CUX2: variants seen among roughly 807,000 people sequenced by gnomAD.
The protein encoded by CUX2 is homeobox protein cut-like 2.
CUX2 carries 40 observed loss-of-function variants against 144.8 expected under a neutral mutation model. The ratio of observed to expected loss-of-function variants is 0.28; its 90% confidence interval spans 0.21 to 0.36. CUX2 has a LOEUF of 0.36. CUX2 is among the 10% of genes least tolerant of loss of function. The probability of loss-of-function intolerance (pLI) is 1.00; values close to 1 mark genes in which losing one functional copy is unlikely to be tolerated. For synonymous variants in CUX2, 827 were observed against 875.6 expected (o/e 0.94, Z 0.98); for missense variants, 1,615 against 1,994.0 (o/e 0.81, Z 3.62).
At chr12:111,311,984 C>G in intron 15 of CUX2, 116 bp from the exon 16 acceptor site, 1 of 738,356 alleles carries the variant, frequency 1.4e-6, no homozygotes, top group East Asian at 2.8e-5. Context: ...TGCCATCTCA[C>G]TGATGGTCTG....
In CUX2 at chr12:111,036,632, A is replaced by AG. The variant is rs535467037; in HGVS notation, c.63+2400dup. On this transcript the variant is annotated intron_variant, in intron 1 of 21. Transcript: ENST00000261726. Reference sequence around the variant, plus strand: ...CCCAGCCTACAGGGTGTATATGTGAAGGGGGGGGTTGTTCGTTAAAACAAT... The same window carrying AG: ...CCCAGCCTACAGGGTGTATATGTGAAGGGGGGGGGTTGTTCGTTAAAACAAT... Among the ~76,000 whole-genome samples the AG allele has an allele frequency of 1.6e-3, 229 of 140,792 alleles. 1 individual carries two copies. The highest frequency in any genetic ancestry group is 7.1e-3 in the South Asian group (29 of 4,068). The allele number at this position is 140,792 out of a possible 152,430, so 92.4% of individuals were successfully genotyped here.
chr12:111,109,017 G>C (rs1873779061), intron 1 of CUX2, among the ~76,000 whole-genome samples: 1 of 152,190 alleles, frequency 6.6e-6, no homozygotes, highest in African/African-American at 2.4e-5. Context: ...CTCCCTTTCA[G>C]GGCATGGAGA....
Position 111,304,338 on chromosome 12 carries a change from A to G in CUX2, c.858+24A>G. 1 of 1,586,844 alleles carries G rather than the reference A, an allele frequency of 6.3e-7. No individual in the cohort carries two copies. The highest frequency in any genetic ancestry group is 8.6e-7 in the Non-Finnish European group (1 of 1,157,406). ...GGGTAAGGATGGGGTTGGGGAAGTG[A>G]GCAGGGAGGGCAGAGGGAAAGATCG... On this transcript the variant is annotated intron_variant, in intron 10 of 21. Coordinates refer to ENST00000261726, the MANE Select transcript of CUX2 (RefSeq NM_015267.4). The surrounding 1 kb of genome is among the most constrained non-coding windows in gnomAD (Gnocchi z 4.7).
intron 1 of CUX2, among the ~76,000 whole-genome samples, chr12:111,085,976 A>G (rs1199417689): frequency 6.6e-6 from 1 of 152,242 alleles, no homozygotes; most frequent in Admixed American, 6.5e-5. Context: ...GTGTGAGATC[A>G]GGGATCAGGA....
In CUX2 at chr12:111,312,696, T is replaced by C. The variant is rs1886967987; in HGVS notation, c.2002+495T>C. ...GCCTAGGTGACAAAGCAAGACTCTGTCAGAAAAAAAAAAAGAAAAATATCC... is the reference window on the plus strand; with the variant it reads ...GCCTAGGTGACAAAGCAAGACTCTGCCAGAAAAAAAAAAAGAAAAATATCC... On this transcript the variant is annotated intron_variant, in intron 16 of 21. Transcript: ENST00000261726. The surrounding 1 kb of genome is among the most constrained non-coding windows in gnomAD (Gnocchi z 4.3). 6.6e-6 allele frequency among the ~76,000 whole-genome samples: 1 copy of C among 150,750 alleles called. No individual in the cohort carries two copies. The highest frequency in any genetic ancestry group is 1.5e-5 in the Non-Finnish European group (1 of 67,628).
intron 3 of CUX2, among the ~76,000 whole-genome samples, chr12:111,260,407 T>C (rs896674112): frequency 6.6e-6 from 1 of 151,738 alleles, no homozygotes; most frequent in Non-Finnish European, 1.5e-5. Flanking sequence ...GAGCTTGCAG[T>C]GAGCCAAGAT....
intron 1 of CUX2, among the ~76,000 whole-genome samples, chr12:111,212,826 G>A (rs902363869): frequency 2.0e-5 from 3 of 152,224 alleles, no homozygotes; most frequent in African/African-American, 7.2e-5. Context: ...GCTCTGGTGA[G>A]CTGCTATTGA....
At chr12:111,214,018 T>G (rs1382829983) in intron 1 of CUX2, among the ~76,000 whole-genome samples, 182 bp from the exon 2 acceptor site, 1 of 152,136 alleles carries the variant, frequency 6.6e-6, no homozygotes, top group African/African-American at 2.4e-5. Flanking sequence ...TTTTTTCAGT[T>G]GCATCCCAGT....
At chr12:111,211,717 CTACTAAAAATACAAAAACTTAGCCAGGCT>C (rs1881239010) in intron 1 of CUX2, among the ~76,000 whole-genome samples, 2 of 152,144 alleles carry the variant, frequency 1.3e-5, no homozygotes, top group Non-Finnish European at 2.9e-5. Context: ...AACCCTGTCT[CTACTAAAAATACAAAAACTTAGCCAGGCT>C]TGGTGGTGGG....
intron 1 of CUX2, among the ~76,000 whole-genome samples, chr12:111,159,646 C>T (rs1447661327): frequency 6.6e-6 from 1 of 152,212 alleles, no homozygotes; most frequent in Non-Finnish European, 1.5e-5. Flanking sequence ...CTTCCAGCCC[C>T]CTTCCGGCTA....
intron 1 of CUX2, among the ~76,000 whole-genome samples, chr12:111,095,350 T>C (rs564868491): frequency 1.4e-4 from 21 of 152,102 alleles, no homozygotes; most frequent in Non-Finnish European, 2.6e-4. Context: ...TCCCAGCTAT[T>C]CTGGAGGCTG....
intron 19 of CUX2, among the ~76,000 whole-genome samples, chr12:111,335,544 C>T (rs147646183): frequency 0.017 from 2,589 of 152,090 alleles, 91 homozygotes; most frequent in African/African-American, 0.058. Flanking sequence ...AACCCCATCT[C>T]TACTAAAAAT....
At chr12:111,185,310 A>G (rs571615659) in intron 1 of CUX2, among the ~76,000 whole-genome samples, 90 of 152,216 alleles carry the variant, frequency 5.9e-4, no homozygotes, top group Middle Eastern at 3.2e-3. Context: ...AATGAGTATC[A>G]TGGAAAGAGA....
chr12:111,151,968 C>A (rs2136137529), intron 1 of CUX2, among the ~76,000 whole-genome samples: 2 of 152,246 alleles, frequency 1.3e-5, no homozygotes, highest in African/African-American at 4.8e-5. Flanking sequence ...CTAGAAACCT[C>A]ACGTGCTCTG....
chr12:111,141,827 A>G (rs1039191621), intron 1 of CUX2, among the ~76,000 whole-genome samples: 3 of 152,346 alleles, frequency 2.0e-5, no homozygotes, highest in Admixed American at 6.5e-5. Flanking sequence ...GCTCACGCCT[A>G]TAATCCCAGC....
At chr12:111,124,627 C>A (rs1483468871) in intron 1 of CUX2, among the ~76,000 whole-genome samples, 1 of 152,122 alleles carries the variant, frequency 6.6e-6, no homozygotes, top group Non-Finnish European at 1.5e-5. Flanking sequence ...GTTCTGAGTT[C>A]TTTTTTTCTT....
Position 111,236,975 on chromosome 12 carries a change from C to A in CUX2, c.222+19038C>A, listed in dbSNP as rs1303419754. On this transcript the variant is annotated intron_variant, in intron 3 of 21. Coordinates refer to ENST00000261726, the MANE Select transcript of CUX2 (RefSeq NM_015267.4). ...ACCAGCCTTGGCAACATGATGAGAC[C>A]TCATCTCTACAAAAAATACAAAAAT... Among the ~76,000 whole-genome samples, 5 of 152,224 alleles carry A rather than the reference C, an allele frequency of 3.3e-5. No homozygotes were observed. In the East Asian group the frequency reaches 9.6e-4, roughly 29 times the overall value.
At chr12:111,086,952 A>G (rs1321668192) in intron 1 of CUX2, among the ~76,000 whole-genome samples, 1 of 152,152 alleles carries the variant, frequency 6.6e-6, no homozygotes, top group Non-Finnish European at 1.5e-5. Context: ...CAAACATGGC[A>G]CTCAAGAAAT....
rs747563997 is a variant in CUX2 at position 111,310,241 on chromosome 12, G to C, written c.1459G>C (p.Gly487Arg). 3 of 1,509,860 alleles carry C rather than the reference G, an allele frequency of 2.0e-6. No individual in the cohort carries two copies. In the Middle Eastern group the frequency reaches 5.4e-4, roughly 271 times the overall value. The allele number at this position is 1,509,860 out of a possible 1,614,324, so 93.5% of individuals were successfully genotyped here. Reference sequence around the variant, plus strand: ...GTCCCCCTTCCCCAGCCTGGCATCAGGGGAGAGACTGATGATGCCCCCAGC... The same window carrying C: ...GTCCCCCTTCCCCAGCCTGGCATCACGGGAGAGACTGATGATGCCCCCAGC... ...SLSPFPSLAS[G>R]ERLMMPPAAF... Residue 487 changes from glycine (G) to arginine (R), a missense_variant, in exon 15 of 22, where the codon GGG becomes CGG. This residue lies in a region of CUX2 where 154 missense variants were observed against 148.4 expected (regional missense o/e 1.04). Coordinates refer to ENST00000261726, the MANE Select transcript of CUX2 (RefSeq NM_015267.4). The surrounding 1 kb of genome is among the most constrained non-coding windows in gnomAD (Gnocchi z 7.9).
Sources: allele counts gnomAD v4.1 joint callset (sites outside exome capture counted in the v4.1 genomes callset), GRCh38; gene constraint gnomAD v4.1.1; regional missense constraint gnomAD v4.1.1; non-coding constraint Gnocchi (gnomAD v3.1); transcripts MANE v1.5; gene names NCBI Gene and HGNC (gene_info 2026-07-23, HGNC 2026-07-21).